OSTF1: variants seen among roughly 807,000 people sequenced by gnomAD.
OSTF1 encodes osteoclast-stimulating factor 1.
A neutral mutation model predicts 37.2 loss-of-function variants in OSTF1; 27 were observed. The ratio of observed to expected loss-of-function variants is 0.73; its 90% CI spans 0.54 to 1.00. The LOEUF (loss-of-function observed/expected upper bound fraction) is 1.00, where lower values mean the gene tolerates loss of function less well. Ranked by LOEUF, OSTF1 falls within the 50% of genes least tolerant of loss-of-function variation. The probability of loss-of-function intolerance (pLI) is 0.00; values close to 1 mark genes in which losing one functional copy is unlikely to be tolerated. For synonymous variants in OSTF1, 82 were observed against 89.2 expected (o/e 0.92, Z 0.46); for missense variants, 232 against 253.8 (o/e 0.91, Z 0.58).
In OSTF1 at chr9:75,146,986, G is replaced by T; in HGVS notation, c.*245G>T. 1 of 215,300 alleles carries T rather than the reference G, an allele frequency of 4.6e-6. No homozygotes were observed. The highest frequency in any genetic ancestry group is 8.6e-6 in the Non-Finnish European group (1 of 115,770). The allele number at this position is 215,300 out of a possible 1,614,324, so 13.3% of individuals were successfully genotyped here. ...AGAAGATATTATTTCTATTTATCAAGCAAAAGGAATTTTAAGATTTTTTTT... is the reference window on the plus strand; with the variant it reads ...AGAAGATATTATTTCTATTTATCAATCAAAAGGAATTTTAAGATTTTTTTT... On this transcript the variant is annotated 3_prime_UTR_variant, in exon 10 of 10. Coordinates refer to ENST00000346234, the MANE Select transcript of OSTF1 (RefSeq NM_012383.5).
intron 1 of OSTF1, among the ~76,000 whole-genome samples, chr9:75,098,592 A>T (rs758076538): frequency 2.0e-5 from 3 of 152,180 alleles, no homozygotes; most frequent in Non-Finnish European, 4.4e-5. Context: ...GAAAATGTAA[A>T]GTTGGTTATA....
intron 2 of OSTF1, among the ~76,000 whole-genome samples, chr9:75,122,103 T>G (rs1018476427): frequency 6.6e-6 from 1 of 152,210 alleles, no homozygotes; most frequent in Non-Finnish European, 1.5e-5. Context: ...TTTAATAAAG[T>G]GTCAACCACG....
At chr9:75,116,771 G>A (rs1459084853) in intron 1 of OSTF1, among the ~76,000 whole-genome samples, 2 of 152,080 alleles carry the variant, frequency 1.3e-5, no homozygotes, top group East Asian at 1.9e-4. Context: ...TCTCAGGGTT[G>A]GAAGGACTCT....
intron 1 of OSTF1, among the ~76,000 whole-genome samples, chr9:75,105,834 A>G (rs1825274371): frequency 6.6e-6 from 1 of 152,180 alleles, no homozygotes. Flanking sequence ...GCTCTCTGGG[A>G]TTTTTATGTT....
At chr9:75,096,015 C>G (rs1480347354) in intron 1 of OSTF1, among the ~76,000 whole-genome samples, 1 of 152,148 alleles carries the variant, frequency 6.6e-6, no homozygotes, top group African/African-American at 2.4e-5. Flanking sequence ...CCTCAGCCTC[C>G]TGAGTGGCTG....
At chr9:75,120,965 C>A (rs1214408043) in intron 2 of OSTF1, among the ~76,000 whole-genome samples, 1 of 152,212 alleles carries the variant, frequency 6.6e-6, no homozygotes, top group South Asian at 2.1e-4. Context: ...GACTGCCTCT[C>A]CTGCCTCTGA....
intron 1 of OSTF1, among the ~76,000 whole-genome samples, chr9:75,115,559 A>G (rs1199829687): frequency 6.6e-6 from 1 of 152,002 alleles, no homozygotes; most frequent in Non-Finnish European, 1.5e-5. Flanking sequence ...CAAAGCTTTT[A>G]AATAGCTATC....
chr9:75,109,009 A>G (rs1441392595), intron 1 of OSTF1, among the ~76,000 whole-genome samples: 1 of 150,322 alleles, frequency 6.7e-6, no homozygotes, highest in African/African-American at 2.4e-5. Context: ...TTTGGATAAA[A>G]TCTCAGGTTT....
At chr9:75,117,201 A>G (rs766275541) in intron 1 of OSTF1, among the ~76,000 whole-genome samples, 4 of 152,200 alleles carry the variant, frequency 2.6e-5, no homozygotes, top group Non-Finnish European at 5.9e-5. Flanking sequence ...ATTTCTTTGT[A>G]TTGGGAAATT....
intron 8 of OSTF1, among the ~76,000 whole-genome samples, chr9:75,139,848 A>T (rs1275919308): frequency 6.6e-6 from 1 of 152,244 alleles, no homozygotes; most frequent in African/African-American, 2.4e-5. Context: ...AGCTGTCAGA[A>T]TTTAAAATGG....
At chr9:75,091,327 T>C (rs1570284) in intron 1 of OSTF1, among the ~76,000 whole-genome samples, 61,353 of 151,722 alleles carry the variant, frequency 0.4, 12,864 homozygotes, top group Middle Eastern at 0.54. Context: ...CCACCCTCCT[T>C]CGCTTCCCAA....
intron 1 of OSTF1, among the ~76,000 whole-genome samples, chr9:75,114,320 T>G (rs1190156033): frequency 6.6e-6 from 1 of 152,204 alleles, no homozygotes; most frequent in African/African-American, 2.4e-5. Flanking sequence ...TAATCCCCTT[T>G]TAATGGACAT....
chr9:75,138,051 A>G (rs1009282), intron 8 of OSTF1, among the ~76,000 whole-genome samples: 71,978 of 152,102 alleles, frequency 0.47, 18,496 homozygotes, highest in Non-Finnish European at 0.58. Flanking sequence ...TGAGCTGAGC[A>G]GGTGCTAGAT....
chr9:75,142,444 G>A (rs541562229), intron 9 of OSTF1, among the ~76,000 whole-genome samples: 19 of 152,220 alleles, frequency 1.2e-4, no homozygotes, highest in Admixed American at 9.8e-4. Context: ...TGTCCTGACC[G>A]AAGAGTAAGG....
chr9:75,101,479 A>G (rs75727212), intron 1 of OSTF1, among the ~76,000 whole-genome samples: 15 of 151,802 alleles, frequency 9.9e-5, no homozygotes, highest in African/African-American at 3.6e-4. Context: ...ACCTTTCTGA[A>G]CTCGTTTTCC....
At chr9:75,101,491 C>G (rs918380718) in intron 1 of OSTF1, among the ~76,000 whole-genome samples, 4 of 152,110 alleles carry the variant, frequency 2.6e-5, no homozygotes, top group Admixed American at 6.5e-5. Context: ...TCGTTTTCCT[C>G]TTTTTGGGTC....
chr9:75,135,933 A>T (rs895323984), intron 7 of OSTF1, among the ~76,000 whole-genome samples: 1 of 152,228 alleles, frequency 6.6e-6, no homozygotes, highest in Non-Finnish European at 1.5e-5. Flanking sequence ...TCAAGGCCAG[A>T]AGGAGATTGT....
Position 75,088,721 on chromosome 9 carries a change from A to T in OSTF1, c.29A>T (p.Lys10Ile), listed in dbSNP as rs559994072. ...TCGAAGCCGCCACCCAAACCAGTCA[A>T]ACCAGGTGAGGGAGGTAAGGTAGGC... is the stretch of plus-strand genomic sequence containing the variant. MSKPPPKPV[K>I]PGQVKVFRAL... The change falls in exon 1 of 10, where the codon AAA (lysine) becomes ATA (isoleucine). Residue 10 changes from lysine (K) to isoleucine (I), a missense_variant. By Grantham distance (102) the Lys-to-Ile change is moderately radical (BLOSUM62 -3). Coordinates refer to ENST00000346234, the MANE Select transcript of OSTF1 (RefSeq NM_012383.5). 4.0e-5 allele frequency: 65 copies of T among 1,609,046 alleles called. No homozygotes were observed. In the South Asian group the frequency reaches 6.8e-4, roughly 17 times the overall value.
chr9:75,119,856 C>G (rs946097429), intron 2 of OSTF1, among the ~76,000 whole-genome samples: 1 of 151,974 alleles, frequency 6.6e-6, no homozygotes, highest in Non-Finnish European at 1.5e-5. Flanking sequence ...CCCAGCTACT[C>G]GGGAGACCGA....
Sources: allele counts gnomAD v4.1 joint callset (sites outside exome capture counted in the v4.1 genomes callset), GRCh38; gene constraint gnomAD v4.1.1; transcripts MANE v1.5; gene names NCBI Gene and HGNC (gene_info 2026-07-23, HGNC 2026-07-21).